Variants in ACTR3C observed in about 807,000 individuals in gnomAD.
The protein encoded by ACTR3C is actin-related protein 3C.
In ACTR3C, 18 loss-of-function variants were observed where a neutral mutation model predicts 26.3. The ratio of observed to expected loss-of-function variants is 0.68; its 90% CI spans 0.47 to 1.01. The LOEUF (loss-of-function observed/expected upper bound fraction) is 1.01. Ranked by LOEUF, ACTR3C falls within the 50% of genes least tolerant of loss-of-function variation. ACTR3C has a pLI of 0.00. For synonymous variants in ACTR3C, 55 were observed against 94.5 expected (o/e 0.58, Z 2.42); for missense variants, 184 against 250.7 (o/e 0.73, Z 1.80).
At chr7:150,084,850 C>A in the ACTR3C span, among the ~76,000 whole-genome samples, 1 of 151,992 alleles carries the variant, frequency 6.6e-6, no homozygotes, top group Non-Finnish European at 1.5e-5. Flanking sequence ...GAAGCAGGGA[C>A]CTCTTGGGAG....
chr7:149,964,253 A>C, the ACTR3C span, among the ~76,000 whole-genome samples: 1 of 152,248 alleles, frequency 6.6e-6, no homozygotes, highest in Non-Finnish European at 1.5e-5. Context: ...TTTTTGATGA[A>C]TAAGGAATAG....
chr7:150,246,627 G>A (rs1398988295), downstream of ACTR3C: 1 of 152,130 alleles, frequency 6.6e-6, no homozygotes, highest in Non-Finnish European at 1.5e-5. Flanking sequence ...TTAAAGACAA[G>A]TAGATGAGTA....
At chr7:150,030,384 TATAG>T in the ACTR3C span, among the ~76,000 whole-genome samples, 2 of 151,086 alleles carry the variant, frequency 1.3e-5, no homozygotes, top group East Asian at 1.9e-4. Flanking sequence ...GATTGGATGG[TATAG>T]ATAGACAGCC....
chr7:149,937,546 G>A, the ACTR3C span, among the ~76,000 whole-genome samples: 75 of 152,252 alleles, frequency 4.9e-4, no homozygotes, highest in Non-Finnish European at 8.4e-4. Flanking sequence ...ACAGGAAGAG[G>A]AGTGAGAAGA....
At chr7:150,091,963 G>A in the ACTR3C span, among the ~76,000 whole-genome samples, 2 of 108,578 alleles carry the variant, frequency 1.8e-5, no homozygotes, top group Admixed American at 2.7e-4. Context: ...ACTCCAGCCT[G>A]GGCGACAGAG....
At position 150,296,374 on chromosome 7, in the gene ACTR3C, G is replaced by C. The variant is rs1298025042; in HGVS notation, c.-51-1027C>G. ...AAAGACCGAAAAAAAAAAATATCTG[G>C]AAAAATATTGAAACAAAGCAGATAA... is the stretch of plus-strand genomic sequence containing the variant. On this transcript the variant is annotated intron_variant, in intron 1 of 7. Coordinates refer to ENST00000683684, the MANE Select transcript of ACTR3C (RefSeq NM_001164458.2). Among the ~76,000 whole-genome samples the C allele has an allele frequency of 3.3e-5, 5 of 150,134 alleles. No homozygotes were observed. In the South Asian group the frequency reaches 8.5e-4, roughly 25 times the overall value.
the ACTR3C span, among the ~76,000 whole-genome samples, chr7:150,138,937 C>T: frequency 6.6e-6 from 1 of 152,306 alleles, no homozygotes; most frequent in East Asian, 1.9e-4. Context: ...AATCCAATGC[C>T]TGATGATCTG....
chr7:150,289,150 G>A (rs4015674), intron 4 of ACTR3C, among the ~76,000 whole-genome samples: 1 of 152,090 alleles, frequency 6.6e-6, no homozygotes, highest in Non-Finnish European at 1.5e-5. Context: ...TGGAAGGAGC[G>A]CTCTGGTAGA....
At chr7:150,147,523 T>C in the ACTR3C span, among the ~76,000 whole-genome samples, 8 of 152,242 alleles carry the variant, frequency 5.3e-5, no homozygotes, top group Admixed American at 2.0e-4. Context: ...CGGTAATAAA[T>C]GCATTTATAT....
intron 4 of ACTR3C, among the ~76,000 whole-genome samples, chr7:150,287,977 T>C (rs2531062): frequency 2.9e-5 from 4 of 137,042 alleles, no homozygotes; most frequent in Admixed American, 2.8e-4. Context: ...TGCTGCAAGG[T>C]TGGTGTGCTC....
At chr7:149,978,969 C>T in the ACTR3C span, among the ~76,000 whole-genome samples, 7 of 151,830 alleles carry the variant, frequency 4.6e-5, no homozygotes, top group East Asian at 3.9e-4. Context: ...CTACCGTGAG[C>T]GGAAAATCCC....
chr7:150,219,272 G>A, the ACTR3C span, among the ~76,000 whole-genome samples: 4 of 142,934 alleles, frequency 2.8e-5, no homozygotes, highest in South Asian at 2.1e-4. Context: ...AAATATATAT[G>A]CCCTTACATA....
At chr7:150,258,495 G>T (rs1368985723) in intron 6 of ACTR3C, among the ~76,000 whole-genome samples, 1 of 151,978 alleles carries the variant, frequency 6.6e-6, no homozygotes, top group Non-Finnish European at 1.5e-5. Flanking sequence ...TGTGGCTAAA[G>T]TCCACCTTTC....
intron 3 of ACTR3C, 36 bp downstream of exon 3, chr7:150,293,276 G>A (rs1235375893): frequency 2.6e-6 from 4 of 1,535,942 alleles, no homozygotes; most frequent in South Asian, 1.2e-5. Flanking sequence ...CAGGTGTTAA[G>A]CCTACAGAGA....
chr7:150,114,447 A>G, the ACTR3C span, among the ~76,000 whole-genome samples: 1 of 152,038 alleles, frequency 6.6e-6, no homozygotes, highest in Non-Finnish European at 1.5e-5. Context: ...TGTGAGATGA[A>G]CAGGTCTCGG....
At chr7:150,282,517 C>G (rs939887931) in intron 6 of ACTR3C, among the ~76,000 whole-genome samples, 6 of 141,538 alleles carry the variant, frequency 4.2e-5, no homozygotes, top group Non-Finnish European at 8.9e-5. Flanking sequence ...CCTTCCACCT[C>G]TCAATCCTAC....
At chr7:150,171,397 C>A in the ACTR3C span, among the ~76,000 whole-genome samples, 3,085 of 123,586 alleles carry the variant, frequency 0.025, 235 homozygotes, top group African/African-American at 0.082. Flanking sequence ...ACAAAAAATG[C>A]AATCAAAGAA....
chr7:150,143,502 GTAAA>G, the ACTR3C span, among the ~76,000 whole-genome samples: 3 of 152,112 alleles, frequency 2.0e-5, no homozygotes, highest in Non-Finnish European at 4.4e-5. Context: ...TTCAACGACT[GTAAA>G]TAGTCATGTA....
chr7:150,144,813 C>T, the ACTR3C span, among the ~76,000 whole-genome samples: 1 of 151,958 alleles, frequency 6.6e-6, no homozygotes, highest in Non-Finnish European at 1.5e-5. The surrounding 1 kb of genome is among the most constrained non-coding windows in gnomAD (Gnocchi z 4.6). Flanking sequence ...TGTGGGAGGC[C>T]GAGGTGGGCA....
Sources: allele counts gnomAD v4.1 joint callset (sites outside exome capture counted in the v4.1 genomes callset), GRCh38; gene constraint gnomAD v4.1.1; non-coding constraint Gnocchi (gnomAD v3.1); transcripts MANE v1.5; gene names NCBI Gene and HGNC (gene_info 2026-07-23, HGNC 2026-07-21).